Variants in SUCLG2 observed in about 807,000 individuals in gnomAD.
The protein encoded by SUCLG2 is succinate--CoA ligase [GDP-forming] subunit beta, mitochondrial.
Under a neutral mutation model 47.9 loss-of-function variants are expected in SUCLG2, and 42 were observed. The observed-to-expected ratio is 0.88, with a 90% CI of 0.69 to 1.14. SUCLG2 has a LOEUF of 1.14. Among genes scored for constraint, SUCLG2 ranks in the 50% most tolerant of loss-of-function variants. The pLI, the probability that SUCLG2 is intolerant of heterozygous loss-of-function variation, is 0.00. For synonymous variants in SUCLG2, 195 were observed against 197.3 expected (o/e 0.99, Z 0.10); for missense variants, 571 against 525.9 (o/e 1.09, Z -0.84).
At chr3:67,618,337 T>G (rs1700667572) in intron 1 of SUCLG2, among the ~76,000 whole-genome samples, 1 of 152,116 alleles carries the variant, frequency 6.6e-6, no homozygotes, top group Non-Finnish European at 1.5e-5. Flanking sequence ...GAAAATTGCT[T>G]GAACCCCAGA....
At chr3:67,605,788 T>C (rs888099152) in intron 2 of SUCLG2, among the ~76,000 whole-genome samples, 1 of 152,186 alleles carries the variant, frequency 6.6e-6, no homozygotes, top group African/African-American at 2.4e-5. Flanking sequence ...TTTGTATTTC[T>C]TGAGAGCATA....
intron 4 of SUCLG2, among the ~76,000 whole-genome samples, chr3:67,527,698 T>C (rs1250970467): frequency 6.6e-6 from 1 of 152,142 alleles, no homozygotes; most frequent in Non-Finnish European, 1.5e-5. Context: ...AAAATTACAG[T>C]CATCCTAAAA....
intron 9 of SUCLG2, among the ~76,000 whole-genome samples, chr3:67,442,832 AT>A (rs1048120458): frequency 6.6e-6 from 1 of 152,168 alleles, no homozygotes; most frequent in Non-Finnish European, 1.5e-5. Context: ...TTGCCCTGTA[AT>A]TAATCATTTC....
At chr3:67,540,560 G>T (rs1449998381) in intron 2 of SUCLG2, among the ~76,000 whole-genome samples, 1 of 152,220 alleles carries the variant, frequency 6.6e-6, no homozygotes, top group Non-Finnish European at 1.5e-5. Context: ...GGGACTTATA[G>T]ATCAAACTCC....
At chr3:67,422,925 C>T (rs1329265256) in intron 9 of SUCLG2, among the ~76,000 whole-genome samples, 3 of 152,050 alleles carry the variant, frequency 2.0e-5, no homozygotes, top group Non-Finnish European at 4.4e-5. Context: ...GCTTCTGGAC[C>T]TGAGAATGGA....
chr3:67,481,119 C>G (rs1356581944), intron 9 of SUCLG2, among the ~76,000 whole-genome samples: 2 of 152,180 alleles, frequency 1.3e-5, no homozygotes, highest in Non-Finnish European at 2.9e-5. Flanking sequence ...TTCCCTAACT[C>G]ATTGACTTGT....
At chr3:67,533,182 A>C (rs1706447360) in intron 2 of SUCLG2, among the ~76,000 whole-genome samples, 1 of 152,240 alleles carries the variant, frequency 6.6e-6, no homozygotes, top group Non-Finnish European at 1.5e-5. Context: ...TATATTGACA[A>C]AAGTAAGTTA....
intron 9 of SUCLG2, among the ~76,000 whole-genome samples, chr3:67,455,427 A>G (rs774486518): frequency 6.6e-6 from 1 of 152,170 alleles, no homozygotes; most frequent in African/African-American, 2.4e-5. Context: ...TAACCAACTC[A>G]GTTTAAATCC....
chr3:67,435,977 G>T (rs1703609064), intron 9 of SUCLG2, among the ~76,000 whole-genome samples: 1 of 152,146 alleles, frequency 6.6e-6, no homozygotes, highest in Admixed American at 6.5e-5. Flanking sequence ...AATTGTATTT[G>T]CTATCCGAAG....
intron 9 of SUCLG2, among the ~76,000 whole-genome samples, chr3:67,451,080 C>A (rs1704046479): frequency 6.6e-6 from 1 of 152,156 alleles, no homozygotes; most frequent in Admixed American, 6.5e-5. Flanking sequence ...TATAGGTGAC[C>A]AAGTGATAGC....
rs561658673 is a variant in SUCLG2, at chr3:67,567,829, C to G, written c.227-38643G>C. Among the ~76,000 whole-genome samples the G allele has an allele frequency of 1.8e-4, 28 of 152,260 alleles. No homozygotes were observed. In the East Asian group the frequency reaches 5.2e-3, roughly 28 times the overall value. The stretch of plus-strand genomic sequence containing the variant: ...TTCTTTATTTATATACAAAGAAAAT[C>G]TGTCTTTTTATTCTTGTGAAAATGT... On this transcript the variant is annotated intron_variant, in intron 2 of 10. Coordinates refer to ENST00000307227, the MANE Select transcript of SUCLG2 (RefSeq NM_003848.4).
At chr3:67,489,869 T>C (rs1705161847) in intron 9 of SUCLG2, among the ~76,000 whole-genome samples, 1 of 152,200 alleles carries the variant, frequency 6.6e-6, no homozygotes. Flanking sequence ...CTATTTCTTG[T>C]AAATGCCTAT....
intron 6 of SUCLG2, among the ~76,000 whole-genome samples, chr3:67,512,736 ACTT>A (rs1266619061): frequency 6.6e-6 from 1 of 150,788 alleles, no homozygotes; most frequent in Non-Finnish European, 1.5e-5. Flanking sequence ...AATTCCTAGA[ACTT>A]CTTCATCTTC....
At chr3:67,646,206 G>T (rs1433464127) in intron 1 of SUCLG2, among the ~76,000 whole-genome samples, 1 of 152,110 alleles carries the variant, frequency 6.6e-6, no homozygotes, top group African/African-American at 2.4e-5. Context: ...AGGCAGGGAG[G>T]AAAGCATGGT....
intron 10 of SUCLG2, among the ~76,000 whole-genome samples, chr3:67,399,717 G>A (rs1000683551): frequency 2.6e-5 from 4 of 152,080 alleles, no homozygotes; most frequent in South Asian, 2.1e-4. Context: ...AACCATGCAT[G>A]GATAAAACTC....
At chr3:67,610,603 A>G (rs1559595192) in intron 1 of SUCLG2, among the ~76,000 whole-genome samples, 2 of 152,230 alleles carry the variant, frequency 1.3e-5, no homozygotes, top group African/African-American at 4.8e-5. Context: ...CACAAGAGGA[A>G]GGATGACAAT....
rs1040498201 is a variant in SUCLG2, at chr3:67,381,443, C to T, written c.1184-5584G>A. Among the ~76,000 whole-genome samples the T allele has an allele frequency of 4.6e-5, 7 of 152,194 alleles. No homozygotes were observed. In the East Asian group the frequency reaches 1.3e-3, roughly 29 times the overall value. On this transcript the variant is annotated intron_variant, in intron 10 of 10. Transcript: ENST00000307227. ...TACTTCTAAATAGAAATTATCATAG[C>T]TGCTTTAAACTCTGACATGGAATTA...
intron 2 of SUCLG2, among the ~76,000 whole-genome samples, chr3:67,602,728 C>T (rs370861865): frequency 1.3e-5 from 2 of 152,176 alleles, no homozygotes; most frequent in East Asian, 1.9e-4. Context: ...CATTTGCAAG[C>T]GAGCATGAGC....
chr3:67,419,770 G>C (rs191453877), intron 9 of SUCLG2, among the ~76,000 whole-genome samples: 1 of 152,234 alleles, frequency 6.6e-6, no homozygotes, highest in East Asian at 1.9e-4. Flanking sequence ...ATGATTCACA[G>C]AGTGGACAAT....
Sources: gnomAD v4.1 joint callset for allele counts (sites outside exome capture counted in the v4.1 genomes callset) on GRCh38, gnomAD v4.1.1 for gene constraint, MANE v1.5 for transcripts, NCBI Gene and HGNC (gene_info 2026-07-23, HGNC 2026-07-21) for gene names.